DIAPH3: variants seen among roughly 807,000 people sequenced by gnomAD.
DIAPH3 encodes protein diaphanous homolog 3.
DIAPH3 carries 117 observed loss-of-function variants against 144.3 expected under a neutral mutation model. The ratio of observed to expected loss-of-function variants is 0.81; its 90% CI spans 0.70 to 0.95. DIAPH3 has a LOEUF of 0.95. DIAPH3 is among the 40% of genes least tolerant of loss of function. The pLI is 0.00. For synonymous variants in DIAPH3, 519 were observed against 488.9 expected (o/e 1.06, Z -0.81); for missense variants, 1,421 against 1,412.7 (o/e 1.01, Z -0.09).
intron 17 of DIAPH3, among the ~76,000 whole-genome samples, chr13:59,953,684 A>C (rs999298235): frequency 6.6e-6 from 1 of 152,046 alleles, no homozygotes; most frequent in African/African-American, 2.4e-5. Context: ...AGAGCAGAAA[A>C]GTAACAAGGA....
At chr13:59,960,934 C>T (rs370245444) in intron 17 of DIAPH3, among the ~76,000 whole-genome samples, 2 of 151,852 alleles carry the variant, frequency 1.3e-5, no homozygotes, top group Admixed American at 6.6e-5. Flanking sequence ...ATCCCTGTCT[C>T]GAGAAACTTA....
At chr13:60,098,798 T>C (rs187028735) in intron 3 of DIAPH3, among the ~76,000 whole-genome samples, 9 of 152,308 alleles carry the variant, frequency 5.9e-5, no homozygotes, top group African/African-American at 2.2e-4. Flanking sequence ...CTAAAATGGC[T>C]GTTTACCTCA....
At chr13:60,084,774 T>C (rs1467585324) in intron 4 of DIAPH3, among the ~76,000 whole-genome samples, 2 of 152,042 alleles carry the variant, frequency 1.3e-5, no homozygotes, top group South Asian at 2.1e-4. Context: ...ATAAAAGCAT[T>C]TGAAAAATTT....
intron 24 of DIAPH3, among the ~76,000 whole-genome samples, chr13:59,818,358 T>C (rs760247475): frequency 2.0e-5 from 3 of 151,938 alleles, no homozygotes; most frequent in Admixed American, 1.3e-4. Flanking sequence ...TACCCCAAAT[T>C]AGAAGAACAT....
chr13:60,000,247 T>C (rs2052442149), intron 9 of DIAPH3, among the ~76,000 whole-genome samples: 1 of 152,110 alleles, frequency 6.6e-6, no homozygotes, highest in Admixed American at 6.6e-5. Flanking sequence ...TAGAAAGACA[T>C]ACCAACCATC....
chr13:59,809,502 C>CA lies in DIAPH3; in HGVS notation c.3163+1285dup, dbSNP rs58693079. On this transcript the variant is annotated intron_variant, in intron 25 of 27. Coordinates refer to ENST00000400324, the MANE Select transcript of DIAPH3 (RefSeq NM_001042517.2). ...GGGCAAGAAGAGCGAAACTCCATCT[C>CA]AAAAAAAAAAAAAAAAGCTAATGTT... Among the ~76,000 whole-genome samples the CA allele has an allele frequency of 9.3e-3, 975 of 105,242 alleles. 3 individuals are homozygous for CA. The highest frequency in any genetic ancestry group is 0.027 in the South Asian group (90 of 3,292). The allele number at this position is 105,242 out of a possible 152,430, so 69.0% of individuals were successfully genotyped here.
At chr13:59,908,807 A>G (rs1258773780) in intron 20 of DIAPH3, among the ~76,000 whole-genome samples, 1 of 152,212 alleles carries the variant, frequency 6.6e-6, no homozygotes. Flanking sequence ...AAATCATAAC[A>G]TCAGTCTACG....
At chr13:59,920,992 A>T (rs2047480375) in intron 18 of DIAPH3, among the ~76,000 whole-genome samples, 1 of 151,796 alleles carries the variant, frequency 6.6e-6, no homozygotes, top group Admixed American at 6.6e-5. Flanking sequence ...CTAAATAACC[A>T]ATGGGTCAAT....
chr13:59,698,977 T>C (rs2033958097), intron 27 of DIAPH3, among the ~76,000 whole-genome samples: 1 of 152,242 alleles, frequency 6.6e-6, no homozygotes, highest in South Asian at 2.1e-4. Flanking sequence ...AAGGATAATC[T>C]TTAATACCCA....
chr13:60,033,221 C>T (rs2054936893), intron 5 of DIAPH3, among the ~76,000 whole-genome samples: 1 of 152,174 alleles, frequency 6.6e-6, no homozygotes, highest in Non-Finnish European at 1.5e-5. Flanking sequence ...TCAAACTTTC[C>T]CTTATTTCCC....
Position 59,717,893 on chromosome 13 carries a change from T to C in DIAPH3, c.3320-51047A>G, listed in dbSNP as rs1340951952. Among the ~76,000 whole-genome samples the C allele has an allele frequency of 2.0e-4, 31 of 152,118 alleles. 1 individual carries two copies. Among genetic ancestry groups the C allele is most frequent in the East Asian group, 5.8e-4 (3 of 5,186 alleles). ...AAAAAGAAAAAAGAGACAGAGAGAC[T>C]ATTAAAATGGACAATCTTATTTGTC... On this transcript the variant is annotated intron_variant, in intron 27 of 27. Coordinates refer to ENST00000400324, the MANE Select transcript of DIAPH3 (RefSeq NM_001042517.2).
chr13:59,721,741 C>A (rs968667008), intron 27 of DIAPH3, among the ~76,000 whole-genome samples: 28 of 152,112 alleles, frequency 1.8e-4, no homozygotes, highest in African/African-American at 6.5e-4. Flanking sequence ...ACCATACAAC[C>A]TCTTGGAACA....
intron 27 of DIAPH3, among the ~76,000 whole-genome samples, chr13:59,765,449 CA>C (rs2037822133): frequency 1.3e-5 from 2 of 152,204 alleles, no homozygotes; most frequent in South Asian, 4.1e-4. Flanking sequence ...GTCTTCCTAA[CA>C]GCCTATGAAA....
chr13:59,767,939 C>A (rs2037936780), intron 27 of DIAPH3, among the ~76,000 whole-genome samples: 2 of 151,882 alleles, frequency 1.3e-5, no homozygotes, highest in South Asian at 4.1e-4. Context: ...AAAAGGTTGT[C>A]CTGCCCTGAC....
intron 25 of DIAPH3, among the ~76,000 whole-genome samples, chr13:59,805,005 T>C (rs1297077959): frequency 6.6e-6 from 1 of 152,142 alleles, no homozygotes; most frequent in Non-Finnish European, 1.5e-5. Context: ...AGGAGCAGTT[T>C]TGGCCATGTG....
intron 24 of DIAPH3, among the ~76,000 whole-genome samples, chr13:59,811,414 T>C (rs757517569): frequency 6.6e-6 from 1 of 152,118 alleles, no homozygotes; most frequent in Non-Finnish European, 1.5e-5. Context: ...ATTTTTCTAA[T>C]ATAGAGAGAA....
At chr13:60,077,716 T>C (rs1482218989) in intron 4 of DIAPH3, among the ~76,000 whole-genome samples, 5 of 152,038 alleles carry the variant, frequency 3.3e-5, no homozygotes, top group Admixed American at 1.3e-4. Flanking sequence ...AACACAATTA[T>C]CTAGTTTTTG....
At chr13:59,874,009 C>T (rs1017025339) in intron 21 of DIAPH3, among the ~76,000 whole-genome samples, 5 of 152,100 alleles carry the variant, frequency 3.3e-5, no homozygotes, top group East Asian at 1.9e-4. Flanking sequence ...AAAGTTGTTT[C>T]GTTTTTGTCG....
intron 3 of DIAPH3, among the ~76,000 whole-genome samples, chr13:60,096,443 G>C (rs1408752004): frequency 6.6e-6 from 1 of 152,156 alleles, no homozygotes; most frequent in Non-Finnish European, 1.5e-5. Context: ...AAAAGTGGTT[G>C]TGATTGTTAT....
Sources: gnomAD v4.1 joint callset for allele counts (sites outside exome capture counted in the v4.1 genomes callset) on GRCh38, gnomAD v4.1.1 for gene constraint, MANE v1.5 for transcripts, NCBI Gene and HGNC (gene_info 2026-07-23, HGNC 2026-07-21) for gene names.